Variants in PC observed in about 807,000 individuals in gnomAD.
PC encodes the protein pyruvate carboxylase, mitochondrial.
A neutral mutation model predicts 107.8 loss-of-function variants in PC; 46 were observed. That is an observed-to-expected ratio of 0.43 (90% confidence interval 0.34 to 0.55). The LOEUF (loss-of-function observed/expected upper bound fraction) is 0.55, where lower values mean the gene tolerates loss of function less well. Ranked by LOEUF, PC falls within the 20% of genes least tolerant of loss-of-function variation. The pLI, the probability that PC is intolerant of heterozygous loss-of-function variation, is 0.04. For synonymous variants in PC, 662 were observed against 684.7 expected (o/e 0.97, Z 0.52); for missense variants, 1,241 against 1,643.1 (o/e 0.76, Z 4.23).
chr11:66,879,275 G>A (rs1267788623), intron 3 of PC, among the ~76,000 whole-genome samples: 1 of 152,244 alleles, frequency 6.6e-6, no homozygotes, highest in Non-Finnish European at 1.5e-5. Flanking sequence ...GCTTAGCAGA[G>A]TTCACTGCAT....
At chr11:66,927,638 G>A (rs143505369) in intron 3 of PC, among the ~76,000 whole-genome samples, 5 of 151,526 alleles carry the variant, frequency 3.3e-5, no homozygotes, top group African/African-American at 4.9e-5. Context: ...TAGGAGAATC[G>A]CTTGAACCCG....
chr11:66,942,941 G>C (rs1473227562), intron 3 of PC, among the ~76,000 whole-genome samples: 1 of 151,736 alleles, frequency 6.6e-6, no homozygotes, highest in Non-Finnish European at 1.5e-5. Context: ...GCTTGAACCC[G>C]GGAGGCGGAG....
At chr11:66,859,418 C>T (rs776595587) in intron 12 of PC, among the ~76,000 whole-genome samples, 2 of 152,200 alleles carry the variant, frequency 1.3e-5, no homozygotes, top group Non-Finnish European at 2.9e-5. Flanking sequence ...CTGCTGGTGC[C>T]ATCCCCCCAC....
intron 3 of PC, among the ~76,000 whole-genome samples, chr11:66,948,222 A>G (rs1490509064): frequency 6.6e-6 from 1 of 151,660 alleles, no homozygotes; most frequent in Admixed American, 6.6e-5. Context: ...AAAAAAAAAG[A>G]AGGAAATGAA....
intron 3 of PC, among the ~76,000 whole-genome samples, chr11:66,914,763 G>A (rs976929203): frequency 6.6e-6 from 1 of 152,122 alleles, no homozygotes; most frequent in Admixed American, 6.6e-5. Context: ...GGCAGGTTGT[G>A]GTGGCTCATA....
At chr11:66,906,876 C>T (rs1410273985) in intron 3 of PC, among the ~76,000 whole-genome samples, 1 of 152,212 alleles carries the variant, frequency 6.6e-6, no homozygotes, top group African/African-American at 2.4e-5. Context: ...TCTGGTCTCC[C>T]AAAATACGGG....
Position 66,871,251 on chromosome 11 carries a change from C to G in PC, c.488-54G>C, listed in dbSNP as rs1946718875. On this transcript the variant is annotated intron_variant, in intron 6 of 22. Coordinates refer to ENST00000393960, the MANE Select transcript of PC (RefSeq NM_001040716.2). The surrounding 1 kb of genome is among the most constrained non-coding windows in gnomAD (Gnocchi z 7.4). Reference sequence around the variant, plus strand: ...CTGTAACAGGCGGGAATCCCTGCCACCCCTCCCTGCTGGACCCTCTCCAGG... The same window carrying G: ...CTGTAACAGGCGGGAATCCCTGCCAGCCCTCCCTGCTGGACCCTCTCCAGG... 1 of 1,613,576 alleles carries G rather than the reference C, an allele frequency of 6.2e-7. No homozygotes were observed. The highest frequency in any genetic ancestry group is 1.1e-5 in the South Asian group (1 of 91,078).
rs1041082731 is a variant in PC at position 66,857,640 on chromosome 11, C to T, written c.1369-4257G>A. On this transcript the variant is annotated intron_variant, in intron 12 of 22. Coordinates refer to ENST00000393960, the MANE Select transcript of PC (RefSeq NM_001040716.2). This position sits in a 1 kb window ranked among gnomAD's most constrained non-coding sequence, Gnocchi z 7.1. ...CCTCTGACCCAGCCCCTCCCCGGGC[C>T]AGGCTCACAGAAGCTGGCTTCTGGG... 3 of 1,307,866 alleles carry T rather than the reference C, an allele frequency of 2.3e-6. No individual in the cohort carries two copies. Among genetic ancestry groups the T allele is most frequent in the African/African-American group, 3.0e-5 (2 of 67,362 alleles). 81.0% of individuals were successfully genotyped at this position (1,307,866 alleles called of 1,614,324 possible). A position where few individuals can be genotyped will look rare whatever the true frequency, so the allele number is the denominator to read the frequency against.
chr11:66,849,491 C>T (rs1945340613), intron 21 of PC, 120 bp downstream of exon 21: 10 of 1,602,610 alleles, frequency 6.2e-6, no homozygotes, highest in African/African-American at 1.3e-5. Context: ...GCCTAGCTCC[C>T]GGTCTCAAGG....
Position 66,848,677 on chromosome 11 carries a change from T to C in PC, c.*222A>G. ...TAGTCTCCAGTGAGGAGGGGACCCTTATTTGGCAAGAGATGAACATGTAAG... is the reference window on the plus strand; with the variant it reads ...TAGTCTCCAGTGAGGAGGGGACCCTCATTTGGCAAGAGATGAACATGTAAG... On this transcript the variant is annotated 3_prime_UTR_variant, in exon 23 of 23. Coordinates refer to ENST00000393960, the MANE Select transcript of PC (RefSeq NM_001040716.2). 1.6e-6 allele frequency: 1 copy of C among 636,528 alleles called. No individual in the cohort carries two copies. The highest frequency in any genetic ancestry group is 2.6e-5 in the Admixed American group (1 of 38,242). 39.4% of individuals were successfully genotyped at this position (636,528 alleles called of 1,614,324 possible). A position where few individuals can be genotyped will look rare whatever the true frequency, so the allele number is the denominator to read the frequency against.
intron 3 of PC, among the ~76,000 whole-genome samples, chr11:66,922,099 CG>C (rs1252232293): frequency 6.6e-6 from 1 of 152,076 alleles, no homozygotes; most frequent in African/African-American, 2.4e-5. Flanking sequence ...GATTTACTGA[CG>C]AAGTAAAGGG....
intron 3 of PC, among the ~76,000 whole-genome samples, chr11:66,928,286 C>T (rs1203093979): frequency 1.3e-5 from 2 of 150,814 alleles, no homozygotes; most frequent in African/African-American, 4.9e-5. Context: ...ACCTGGGAGG[C>T]TGAGGCAGAA....
At chr11:66,957,241 T>C (rs1259218466) in intron 1 of PC, among the ~76,000 whole-genome samples, 3 of 152,210 alleles carry the variant, frequency 2.0e-5, no homozygotes, top group Non-Finnish European at 4.4e-5. Flanking sequence ...TCAGCAAGTG[T>C]TGGTACTTCT....
intron 3 of PC, among the ~76,000 whole-genome samples, chr11:66,901,503 T>C (rs1037784946): frequency 6.6e-6 from 1 of 152,148 alleles, no homozygotes; most frequent in Non-Finnish European, 1.5e-5. Context: ...AGAGTCCCGC[T>C]CTGTCACCCA....
At chr11:66,873,475 T>C (rs1946839122) in intron 3 of PC, among the ~76,000 whole-genome samples, 1 of 77,490 alleles carries the variant, frequency 1.3e-5, no homozygotes, top group African/African-American at 5.2e-5. Context: ...ATATATAATA[T>C]AATATATAAT....
At position 66,870,630 on chromosome 11, in the gene PC, C is replaced by G. The variant is rs1051930197; in HGVS notation, c.751+145G>C. The G allele has an allele frequency of 1.8e-6, 2 of 1,114,266 alleles. No individual in the cohort carries two copies. Among genetic ancestry groups the G allele is most frequent in the Admixed American group, 1.7e-5 (1 of 57,990 alleles). 69.0% of individuals were successfully genotyped at this position (1,114,266 alleles called of 1,614,324 possible). On this transcript the variant is annotated intron_variant, in intron 8 of 22. Transcript: ENST00000393960. This position sits in a 1 kb window ranked among gnomAD's most constrained non-coding sequence, Gnocchi z 6.1. ...TGAGGACCAACTGCCAGCTCGGCCC[C>G]TAGAGCCCACTTTCCAGAGTCCTCT... is the stretch of plus-strand genomic sequence containing the variant.
At position 66,868,875 on chromosome 11, in the gene PC, C is replaced by T. The variant is rs761183180; in HGVS notation, c.993G>A (p.Val331=). The change falls in exon 10 of 23, where the codon GTG becomes GTA. Residue 331 remains valine (V), a synonymous_variant. Coordinates refer to ENST00000393960, the MANE Select transcript of PC (RefSeq NM_001040716.2). ...YFIEVNSRLQ[V]EHTVTEEITD... Reference sequence around the variant, plus strand: ...TGATCTCCTCTGTGACCGTGTGCTCCACCTGCAGGCGGGAGTTGACCTCGA... The same window carrying T: ...TGATCTCCTCTGTGACCGTGTGCTCTACCTGCAGGCGGGAGTTGACCTCGA... The T allele has an allele frequency of 1.9e-5, 31 of 1,613,674 alleles. No individual in the cohort carries two copies. Among genetic ancestry groups the T allele is most frequent in the Non-Finnish European group, 2.6e-5 (31 of 1,179,834 alleles).
Position 66,851,943 on chromosome 11 carries a change from G to C in PC, c.1829C>G (p.Ala610Gly). 1.2e-6 allele frequency: 2 copies of C among 1,613,872 alleles called. No individual in the cohort carries two copies. Among genetic ancestry groups the C allele is most frequent in the Non-Finnish European group, 1.7e-6 (2 of 1,179,992 alleles). ...GAAGCGCATGGCGACGTCAAACGTG[G>C]CTCCTGCACAGGAACCGAGAGGCCC... ...KLFSMENWGG[A>G]TFDVAMRFLY... Residue 610 changes from alanine to glycine, a missense_variant, in exon 16 of 23, where the codon GCC (alanine) becomes GGC (glycine). Coordinates refer to ENST00000393960, the MANE Select transcript of PC (RefSeq NM_001040716.2).
chr11:66,869,090 C>A (rs1946620445), intron 9 of PC, 126 bp from the exon 10 acceptor site: 1 of 717,528 alleles, frequency 1.4e-6, no homozygotes, highest in Non-Finnish European at 2.4e-6. Flanking sequence ...TGTGGCAAAC[C>A]CTGCCCCCAC....
Sources: allele counts gnomAD v4.1 joint callset (sites outside exome capture counted in the v4.1 genomes callset), GRCh38; gene constraint gnomAD v4.1.1; non-coding constraint Gnocchi (gnomAD v3.1); transcripts MANE v1.5; gene names NCBI Gene and HGNC (gene_info 2026-07-23, HGNC 2026-07-21).